The following SDK1 variants were observed in gnomAD, a reference collection of about 807,000 sequenced individuals.
SDK1 encodes the protein protein sidekick-1.
In SDK1, 157 loss-of-function variants were observed where a neutral mutation model predicts 245.5. The ratio of observed to expected loss-of-function variants is 0.64; its 90% confidence interval spans 0.56 to 0.73. The LOEUF (loss-of-function observed/expected upper bound fraction) is 0.73, where lower values mean the gene tolerates loss of function less well. SDK1 is among the 30% of genes least tolerant of loss of function. The probability of loss-of-function intolerance (pLI) is 0.00; values close to 1 mark genes in which losing one functional copy is unlikely to be tolerated. For synonymous variants in SDK1, 1,647 were observed against 1,278.5 expected (o/e 1.29, Z -6.15); for missense variants, 3,583 against 3,002.3 (o/e 1.19, Z -4.52).
chr7:3,347,915 T>C (rs1210771325), intron 1 of SDK1, among the ~76,000 whole-genome samples: 2 of 151,792 alleles, frequency 1.3e-5, no homozygotes, highest in African/African-American at 4.8e-5. Context: ...TCCTTTTGTG[T>C]AGTAAGTCTC....
rs1562388795 is a variant in SDK1 at position 4,174,493 on chromosome 7, G to A, written c.4936+136G>A. On this transcript the variant is annotated intron_variant, in intron 33 of 44. Transcript: ENST00000404826. The stretch of plus-strand genomic sequence containing the variant: ...AGGCAGCCCTGCCCTCAGGAACAGG[G>A]AGCAGGCGGGTTTACCCACCAGGGG... 12 of 1,024,748 alleles carry A rather than the reference G, an allele frequency of 1.2e-5. No individual in the cohort carries two copies. In the South Asian group the frequency reaches 1.2e-4, roughly 10 times the overall value. The allele number at this position is 1,024,748 out of a possible 1,614,324, so 63.5% of individuals were successfully genotyped here.
At chr7:4,002,511 G>C (rs539727543) in intron 14 of SDK1, among the ~76,000 whole-genome samples, 4 of 152,074 alleles carry the variant, frequency 2.6e-5, no homozygotes, top group Non-Finnish European at 5.9e-5. Context: ...ATTACCCAAA[G>C]CATTGAACAA....
intron 5 of SDK1, among the ~76,000 whole-genome samples, chr7:3,910,539 C>T (rs888817337): frequency 4.6e-5 from 7 of 152,154 alleles, no homozygotes; most frequent in African/African-American, 7.2e-5. Context: ...TCGTGCCATT[C>T]GGTTACCTTC....
chr7:3,739,450 C>T (rs1035399522), intron 4 of SDK1, among the ~76,000 whole-genome samples: 2 of 152,078 alleles, frequency 1.3e-5, no homozygotes, highest in African/African-American at 4.8e-5. Flanking sequence ...CTGTTGGCAT[C>T]TCATATTTTT....
intron 5 of SDK1, among the ~76,000 whole-genome samples, chr7:3,939,096 T>G (rs781740015): frequency 2.4e-4 from 37 of 152,246 alleles, no homozygotes; most frequent in Non-Finnish European, 4.8e-4. Flanking sequence ...ATTTCCTCTC[T>G]TTCCCTTTCC....
At chr7:3,762,652 T>C (rs1780141183) in intron 4 of SDK1, among the ~76,000 whole-genome samples, 1 of 152,222 alleles carries the variant, frequency 6.6e-6, no homozygotes, top group Admixed American at 6.5e-5. Flanking sequence ...TCAGTCTTCA[T>C]TTGTAGCTGT....
At chr7:3,656,026 A>T (rs1783170773) in intron 4 of SDK1, among the ~76,000 whole-genome samples, 1 of 152,108 alleles carries the variant, frequency 6.6e-6, no homozygotes, top group Non-Finnish European at 1.5e-5. Flanking sequence ...TGGGATTGTG[A>T]CCCCACCTCT....
At chr7:3,693,425 G>A (rs1014514516) in intron 4 of SDK1, among the ~76,000 whole-genome samples, 37 of 152,186 alleles carry the variant, frequency 2.4e-4, no homozygotes, top group African/African-American at 7.5e-4. Context: ...ATTTTGATTC[G>A]AATTACATTA....
chr7:4,109,956 G>A (rs961717131), intron 22 of SDK1, among the ~76,000 whole-genome samples: 4 of 152,320 alleles, frequency 2.6e-5, no homozygotes, highest in African/African-American at 9.6e-5. Context: ...CTCGGGAGAG[G>A]AAGAAGCTGG....
At chr7:3,621,568 C>G in intron 2 of SDK1, among the ~76,000 whole-genome samples, 1 of 152,330 alleles carries the variant, frequency 6.6e-6, no homozygotes, top group East Asian at 1.9e-4. Flanking sequence ...GGAATTGTTT[C>G]CTAGATCTTC....
At chr7:3,645,976 A>G (rs1782822556) in intron 4 of SDK1, among the ~76,000 whole-genome samples, 1 of 152,052 alleles carries the variant, frequency 6.6e-6, no homozygotes, top group African/African-American at 2.4e-5. Flanking sequence ...TTCCTACCTC[A>G]GCCTCCTGAG....
At chr7:4,174,139 A>T in intron 32 of SDK1, 83 bp from the exon 33 acceptor site, 3 of 1,480,958 alleles carry the variant, frequency 2.0e-6, no homozygotes, top group Non-Finnish European at 2.8e-6. Flanking sequence ...CTGGCTAGTT[A>T]AACAGGGGTG....
chr7:3,594,060 TC>T (rs1392031202), intron 1 of SDK1, among the ~76,000 whole-genome samples: 1 of 152,124 alleles, frequency 6.6e-6, no homozygotes, highest in Non-Finnish European at 1.5e-5. Context: ...TTTTAGAACA[TC>T]CCCAAAAGAA....
intron 1 of SDK1, among the ~76,000 whole-genome samples, chr7:3,367,242 G>T (rs1781116750): frequency 6.6e-6 from 1 of 151,810 alleles, no homozygotes; most frequent in Non-Finnish European, 1.5e-5. Context: ...TGTCATCGTT[G>T]TAATTTCATG....
intron 4 of SDK1, among the ~76,000 whole-genome samples, chr7:3,654,740 G>A (rs913546105): frequency 2.6e-5 from 4 of 152,208 alleles, no homozygotes; most frequent in Admixed American, 1.3e-4. Context: ...GATGGGGATC[G>A]TAGAATTGCT....
At chr7:3,787,146 T>TCACACACACACA (rs34838736) in intron 4 of SDK1, among the ~76,000 whole-genome samples, 55 of 137,746 alleles carry the variant, frequency 4.0e-4, no homozygotes, top group African/African-American at 1.2e-3. Flanking sequence ...AGTATTGAAA[T>TCACACACACACA]CACACACACA....
At chr7:4,108,032 C>T (rs1184684593) in intron 22 of SDK1, among the ~76,000 whole-genome samples, 3 of 152,180 alleles carry the variant, frequency 2.0e-5, no homozygotes, top group Admixed American at 6.5e-5. Context: ...AAATATCGCA[C>T]GGCTCCTCTC....
chr7:3,801,249 T>G (rs1472260458), intron 4 of SDK1, among the ~76,000 whole-genome samples: 1 of 152,202 alleles, frequency 6.6e-6, no homozygotes, highest in Non-Finnish European at 1.5e-5. Context: ...AATATAACCT[T>G]TCCCCCATTC....
intron 5 of SDK1, among the ~76,000 whole-genome samples, chr7:3,931,133 G>A (rs1049900037): frequency 3.3e-5 from 5 of 152,162 alleles, no homozygotes; most frequent in Non-Finnish European, 5.9e-5. Context: ...GGATCCTTGG[G>A]GCTTCGGTTC....
Sources: allele counts gnomAD v4.1 joint callset (sites outside exome capture counted in the v4.1 genomes callset), GRCh38; gene constraint gnomAD v4.1.1; transcripts MANE v1.5; gene names NCBI Gene and HGNC (gene_info 2026-07-23, HGNC 2026-07-21).